The following PTPRT variants were observed in gnomAD, a reference collection of about 807,000 sequenced individuals.
PTPRT encodes receptor-type tyrosine-protein phosphatase T.
Under a neutral mutation model 176.8 loss-of-function variants are expected in PTPRT, and 56 were observed. The ratio of observed to expected loss-of-function variants is 0.32; its 90% CI spans 0.26 to 0.40. PTPRT has a LOEUF of 0.40. Among genes scored for constraint, PTPRT ranks in the 10% least tolerant of loss-of-function variants. The pLI is 1.00. For synonymous variants in PTPRT, 783 were observed against 739.0 expected (o/e 1.06, Z -0.96); for missense variants, 1,540 against 1,908.2 (o/e 0.81, Z 3.60).
chr20:42,592,588 T>C (rs1366587012), intron 7 of PTPRT, among the ~76,000 whole-genome samples: 1 of 152,170 alleles, frequency 6.6e-6, no homozygotes, highest in Non-Finnish European at 1.5e-5. Context: ...ATTAAATGGA[T>C]CAAGCATTTT....
chr20:42,059,334 A>T, the PTPRT span, among the ~76,000 whole-genome samples: 2 of 152,192 alleles, frequency 1.3e-5, no homozygotes, highest in African/African-American at 4.8e-5. Context: ...CCATATTGGT[A>T]TGTGTAAGCA....
intron 2 of PTPRT, among the ~76,000 whole-genome samples, chr20:42,869,954 C>T (rs555496216): frequency 3.3e-5 from 5 of 152,230 alleles, no homozygotes; most frequent in African/African-American, 1.2e-4. Context: ...TTTTGTCCTT[C>T]CATGTGACAG....
rs928206941 is a variant in PTPRT at position 42,080,513 on chromosome 20, G to A, written c.*366C>T. The A allele has an allele frequency of 3.7e-6, 1 of 266,704 alleles. No homozygotes were observed. Among genetic ancestry groups the A allele is most frequent in the Non-Finnish European group, 7.2e-6 (1 of 139,454 alleles). 16.5% of individuals were successfully genotyped at this position (266,704 alleles called of 1,614,324 possible). A position where few individuals can be genotyped will look rare whatever the true frequency, so the allele number is the denominator to read the frequency against. The stretch of plus-strand genomic sequence containing the variant: ...TCCTAAGGAGAAGGAGGGCAGGGGA[G>A]CCTCCCACTCCCCAGCACCTGCACA... On this transcript the variant is annotated 3_prime_UTR_variant, in exon 31 of 31. Transcript: ENST00000373187.
chr20:42,401,214 C>T (rs2145704262), intron 9 of PTPRT, among the ~76,000 whole-genome samples: 1 of 152,032 alleles, frequency 6.6e-6, no homozygotes, highest in East Asian at 1.9e-4. Context: ...CATCTTAACG[C>T]ATTACAGGTT....
intron 7 of PTPRT, among the ~76,000 whole-genome samples, chr20:42,567,181 G>C (rs970210379): frequency 6.6e-6 from 1 of 151,936 alleles, no homozygotes; most frequent in African/African-American, 2.4e-5. Context: ...GCTGAGGCAG[G>C]AGAATCACTT....
At chr20:42,408,871 G>T (rs1025139606) in intron 9 of PTPRT, among the ~76,000 whole-genome samples, 1 of 152,206 alleles carries the variant, frequency 6.6e-6, no homozygotes, top group African/African-American at 2.4e-5. Flanking sequence ...TCTGATAAGG[G>T]TTGCTCTGCG....
At chr20:42,391,895 T>TTC (rs879875714) in intron 9 of PTPRT, among the ~76,000 whole-genome samples, 5 of 152,268 alleles carry the variant, frequency 3.3e-5, no homozygotes, top group African/African-American at 9.6e-5. Flanking sequence ...ACTGTCTAGG[T>TTC]TCTCCCCAAC....
intron 1 of PTPRT, among the ~76,000 whole-genome samples, chr20:43,050,558 G>A (rs889262174): frequency 3.3e-5 from 5 of 152,180 alleles, no homozygotes; most frequent in South Asian, 2.1e-4. Flanking sequence ...GTCCAAATCC[G>A]TTACAGGAAA....
At chr20:43,014,256 G>A (rs1281696395) in intron 1 of PTPRT, among the ~76,000 whole-genome samples, 3 of 152,224 alleles carry the variant, frequency 2.0e-5, no homozygotes, top group South Asian at 2.1e-4. Flanking sequence ...CAAGTCTGTC[G>A]CTCTGTTATC....
At chr20:43,113,760 G>T (rs1051733030) in intron 1 of PTPRT, among the ~76,000 whole-genome samples, 1 of 152,154 alleles carries the variant, frequency 6.6e-6, no homozygotes, top group African/African-American at 2.4e-5. Flanking sequence ...TGGCAGGGAG[G>T]GAAGGAAACA....
intron 16 of PTPRT, among the ~76,000 whole-genome samples, chr20:42,177,603 A>G (rs192678071): frequency 6.6e-6 from 1 of 152,308 alleles, no homozygotes; most frequent in Admixed American, 6.5e-5. Flanking sequence ...TAGATTCCAA[A>G]TGCTAGTACC....
intron 6 of PTPRT, among the ~76,000 whole-genome samples, chr20:42,715,942 A>G (rs937599498): frequency 6.6e-6 from 1 of 152,248 alleles, no homozygotes; most frequent in East Asian, 1.9e-4. Flanking sequence ...ATCCAGAGAT[A>G]TATGGGAACT....
At chr20:43,185,318 C>G (rs1418863814) in intron 1 of PTPRT, among the ~76,000 whole-genome samples, 1 of 151,988 alleles carries the variant, frequency 6.6e-6, no homozygotes, top group Non-Finnish European at 1.5e-5. Flanking sequence ...GTATCTTTTT[C>G]CCCCACAGCC....
intron 2 of PTPRT, among the ~76,000 whole-genome samples, chr20:42,883,428 T>G (rs1440773986): frequency 6.6e-6 from 1 of 151,946 alleles, no homozygotes; most frequent in African/African-American, 2.4e-5. Context: ...GCCCCCCGGT[T>G]TCTGAATCAG....
intron 2 of PTPRT, among the ~76,000 whole-genome samples, chr20:42,865,986 C>T (rs961195586): frequency 2.0e-5 from 3 of 152,182 alleles, no homozygotes; most frequent in African/African-American, 7.2e-5. Flanking sequence ...TGACCCTGGC[C>T]TTGACCCCTT....
chr20:42,172,517 G>A (rs1277070097), intron 16 of PTPRT, among the ~76,000 whole-genome samples: 1 of 152,174 alleles, frequency 6.6e-6, no homozygotes. Context: ...CATCACCTGG[G>A]TGCTAGCTTT....
At chr20:42,212,593 G>T (rs543780254) in intron 15 of PTPRT, among the ~76,000 whole-genome samples, 1 of 152,214 alleles carries the variant, frequency 6.6e-6, no homozygotes, top group African/African-American at 2.4e-5. Context: ...TGTCAGACTA[G>T]CTGTGCAAGC....
intron 7 of PTPRT, among the ~76,000 whole-genome samples, chr20:42,590,039 C>T (rs1385690618): frequency 6.6e-6 from 1 of 152,098 alleles, no homozygotes; most frequent in South Asian, 2.1e-4. Flanking sequence ...TTCTATGTGA[C>T]TTCTGAAGCT....
chr20:42,464,464 A>G (rs535160108), intron 8 of PTPRT, among the ~76,000 whole-genome samples: 11 of 152,198 alleles, frequency 7.2e-5, no homozygotes, highest in Non-Finnish European at 1.5e-4. Context: ...CCTTCAGGTA[A>G]GATTTTGAAT....
Sources: allele counts gnomAD v4.1 joint callset (sites outside exome capture counted in the v4.1 genomes callset), GRCh38; gene constraint gnomAD v4.1.1; transcripts MANE v1.5; gene names NCBI Gene and HGNC (gene_info 2026-07-23, HGNC 2026-07-21).